The following SYNE2 variants were observed in gnomAD, a reference collection of about 807,000 sequenced individuals.
The protein encoded by SYNE2 is nesprin-2.
A neutral mutation model predicts 856.3 loss-of-function variants in SYNE2; 431 were observed. The ratio of observed to expected loss-of-function variants is 0.50; its 90% CI spans 0.47 to 0.55. SYNE2 has a LOEUF of 0.55. SYNE2 is among the 20% of genes least tolerant of loss of function. The pLI is 0.00. For missense variants in SYNE2, 8,129 were observed against 8,023.2 expected (o/e 1.01, Z -0.50); for synonymous variants, 2,923 against 2,872.3 (o/e 1.02, Z -0.56).
intron 19 of SYNE2, among the ~76,000 whole-genome samples, chr14:63,989,796 G>C (rs890466524): frequency 6.6e-6 from 1 of 151,770 alleles, no homozygotes; most frequent in Non-Finnish European, 1.5e-5. Flanking sequence ...GACTACAGGC[G>C]TGTGCCACCA....
intron 19 of SYNE2, among the ~76,000 whole-genome samples, chr14:63,986,999 A>G (rs1229062096): frequency 2.0e-5 from 3 of 152,200 alleles, no homozygotes; most frequent in Admixed American, 6.5e-5. Context: ...CACACCTGCA[A>G]TCCCAGCACT....
At chr14:64,063,619 G>A (rs1255975) in intron 50 of SYNE2, among the ~76,000 whole-genome samples, 109,641 of 152,172 alleles carry the variant, frequency 0.72, 42,621 homozygotes, top group Non-Finnish European at 0.87. Flanking sequence ...TTGAGCTTTT[G>A]CTTATTTTTA....
At chr14:63,763,879 C>T (rs2139686058) in intron 1 of SYNE2, among the ~76,000 whole-genome samples, 1 of 152,136 alleles carries the variant, frequency 6.6e-6, no homozygotes, top group Non-Finnish European at 1.5e-5. Context: ...CCTATGTTGC[C>T]CAGGCTGGTC....
chr14:64,020,086 A>C lies in SYNE2; in HGVS notation c.5144A>C (p.Glu1715Ala). ...FLLQSSEIPL[E>A]LQVMESSILN... ...CTCCAAAGCAGTGAAATACCTCTTG[A>C]ATTGCAGGTAAGAATTTTTATTTAA... The change falls in exon 35 of 116, where the codon GAA becomes GCA. Residue 1715 changes from glutamate to alanine, a missense_variant. Physicochemically the swap from Glu to Ala is moderately radical, Grantham distance 107. Transcript: ENST00000555002. 6.2e-7 allele frequency: 1 copy of C among 1,608,340 alleles called. No homozygotes were observed.
intron 9 of SYNE2, among the ~76,000 whole-genome samples, 187 bp downstream of exon 9, chr14:63,961,812 C>T (rs1454895327): frequency 1.3e-5 from 2 of 151,872 alleles, no homozygotes; most frequent in Non-Finnish European, 2.9e-5. Context: ...CACTGGGCAC[C>T]TTTTCTGTCT....
intron 89 of SYNE2, among the ~76,000 whole-genome samples, chr14:64,163,903 A>G (rs1436228699): frequency 6.6e-6 from 1 of 152,090 alleles, no homozygotes; most frequent in South Asian, 2.1e-4. Flanking sequence ...ATGATTTGTC[A>G]TATCTTCGTG....
At chr14:64,125,571 G>T (rs964422103) in intron 71 of SYNE2, among the ~76,000 whole-genome samples, 3 of 152,276 alleles carry the variant, frequency 2.0e-5, no homozygotes, top group African/African-American at 7.2e-5. Flanking sequence ...TTAATGCTAG[G>T]TTATGTGAGG....
chr14:64,194,299 C>CT (rs549466331), intron 99 of SYNE2, among the ~76,000 whole-genome samples: 58 of 148,154 alleles, frequency 3.9e-4, no homozygotes, highest in East Asian at 2.3e-3. Flanking sequence ...CTCTTTTCTT[C>CT]TTTTTTTTTT....
intron 99 of SYNE2, among the ~76,000 whole-genome samples, chr14:64,201,006 T>C (rs1488201613): frequency 1.3e-5 from 2 of 152,214 alleles, no homozygotes; most frequent in African/African-American, 4.8e-5. Context: ...TGTAGCATCA[T>C]GTGGTCCAGC....
Position 63,990,987 on chromosome 14 carries a change from G to T in SYNE2, c.2518G>T (p.Val840Phe). 1 of 1,614,084 alleles carries T rather than the reference G, an allele frequency of 6.2e-7. No homozygotes were observed. Among genetic ancestry groups the T allele is most frequent in the Non-Finnish European group, 8.5e-7 (1 of 1,179,994 alleles). ...TGCAGCGTTGAAGAACTTAACTGAC[G>T]TTTCACCAGATTTGGACATCAGGCT... ...LIAALKNLTD[V>F]SPDLDIRLKM... Residue 840 changes from valine (V) to phenylalanine (F), a missense_variant, in exon 21 of 116, where the codon GTT becomes TTT. Coordinates refer to ENST00000555002, the MANE Select transcript of SYNE2 (RefSeq NM_182914.3).
intron 88 of SYNE2, 38 bp from the exon 89 acceptor site, chr14:64,163,364 G>C (rs774205234): frequency 1.9e-6 from 3 of 1,611,762 alleles, no homozygotes; most frequent in African/African-American, 2.7e-5. Flanking sequence ...TGGTTTGAAA[G>C]GAGGAAGAGG....
chr14:64,212,941 G>T lies in SYNE2; in HGVS notation c.18992G>T (p.Arg6331Leu). Reference protein sequence around the residue: ...LIEDELEELHRYCQEVFGRVS... With the variant: ...LIEDELEELHLYCQEVFGRVS... ...GAGGATGAGCTGGAGGAACTCCACC[G>T]CTACTGCCAGGAGGTGTTTGGAAGG... Residue 6331 changes from arginine (R) to leucine (L), a missense_variant, in exon 105 of 116, where the codon CGC becomes CTC. Transcript: ENST00000555002. The T allele has an allele frequency of 6.2e-7, 1 of 1,614,186 alleles. No homozygotes were observed. Among genetic ancestry groups the T allele is most frequent in the Non-Finnish European group, 8.5e-7 (1 of 1,180,030 alleles).
intron 87 of SYNE2, among the ~76,000 whole-genome samples, chr14:64,160,469 A>T (rs2153713378): frequency 6.6e-6 from 1 of 152,384 alleles, no homozygotes; most frequent in Middle Eastern, 3.4e-3. Context: ...GGTAGGATAG[A>T]TAGATAAAAA....
intron 106 of SYNE2, 88 bp downstream of exon 106, chr14:64,214,558 A>C: frequency 7.4e-7 from 1 of 1,343,384 alleles, no homozygotes; most frequent in Non-Finnish European, 1.0e-6. Context: ...CTCAATGACC[A>C]AGAGTCCATC....
chr14:64,185,648 G>A (rs910665323), intron 96 of SYNE2, among the ~76,000 whole-genome samples: 1 of 150,744 alleles, frequency 6.6e-6, no homozygotes, highest in Non-Finnish European at 1.5e-5. Context: ...AGCCTCCCAA[G>A]TAGCTAGGAT....
chr14:64,143,105 G>A (rs556214711), intron 82 of SYNE2, among the ~76,000 whole-genome samples: 11 of 152,296 alleles, frequency 7.2e-5, no homozygotes, highest in Admixed American at 3.3e-4. Flanking sequence ...AAGTCTACAC[G>A]TGTATATTCT....
At chr14:64,120,802 C>A in intron 67 of SYNE2, 125 bp from the exon 68 acceptor site, 1 of 1,014,590 alleles carries the variant, frequency 9.9e-7, no homozygotes, top group Non-Finnish European at 1.5e-6. Flanking sequence ...ATAATTATAG[C>A]AAATAACAAA....
At position 63,954,881 on chromosome 14, in the gene SYNE2, A is replaced by G. The variant is rs371326813; in HGVS notation, c.753A>G (p.Gln251=). 42 of 1,613,704 alleles carry G rather than the reference A, an allele frequency of 2.6e-5. No individual in the cohort carries two copies. Among genetic ancestry groups the G allele is most frequent in the Non-Finnish European group, 2.5e-5 (30 of 1,179,962 alleles). ...NLREAFRIAE[Q]ELKIPRLLEP... ...GAGAGGCCTTCAGAATTGCAGAACA[A>G]GAATTAAAAATCCCCAGATTGCTGG... Residue 251 remains glutamine, a synonymous_variant, in exon 8 of 116, where the codon CAA becomes CAG. Coordinates refer to ENST00000555002, the MANE Select transcript of SYNE2 (RefSeq NM_182914.3).
intron 19 of SYNE2, among the ~76,000 whole-genome samples, chr14:63,989,025 ATTGTT>A (rs567485884): frequency 2.5e-4 from 38 of 152,318 alleles, no homozygotes; most frequent in African/African-American, 7.7e-4. Flanking sequence ...TATCTCACTT[ATTGTT>A]TTAATGGGTA....
Sources: allele counts gnomAD v4.1 joint callset (sites outside exome capture counted in the v4.1 genomes callset), GRCh38; gene constraint gnomAD v4.1.1; transcripts MANE v1.5; gene names NCBI Gene and HGNC (gene_info 2026-07-23, HGNC 2026-07-21).